The following CCSER1 variants were observed in gnomAD, a reference collection of about 807,000 sequenced individuals.
The protein encoded by CCSER1 is serine-rich coiled-coil domain-containing protein 1.
CCSER1 carries 41 observed loss-of-function variants against 82.0 expected under a neutral mutation model. The ratio of observed to expected loss-of-function variants is 0.50; its 90% CI spans 0.39 to 0.65. CCSER1 has a LOEUF of 0.65. CCSER1 is among the 30% of genes least tolerant of loss of function. The pLI, the probability that CCSER1 is intolerant of heterozygous loss-of-function variation, is 0.00. For synonymous variants in CCSER1, 414 were observed against 383.9 expected, an observed-to-expected ratio of 1.08 and a Z score of -0.92; for missense variants, 1,119 against 1,064.2, an observed-to-expected ratio of 1.05 and a Z score of -0.72.
At chr4:90,282,674 T>C (rs1216855092) in intron 1 of CCSER1, among the ~76,000 whole-genome samples, 3 of 151,940 alleles carry the variant, frequency 2.0e-5, no homozygotes, top group Non-Finnish European at 4.4e-5. Flanking sequence ...CAGACTTTGG[T>C]TACAAATCAC....
intron 10 of CCSER1, among the ~76,000 whole-genome samples, chr4:91,369,760 C>A (rs989906685): frequency 1.4e-5 from 2 of 140,912 alleles, no homozygotes; most frequent in African/African-American, 5.4e-5. Flanking sequence ...CCTCTGCCTC[C>A]TGTGTTCAAG....
At chr4:90,155,791 C>T (rs1392445525) in intron 1 of CCSER1, among the ~76,000 whole-genome samples, 1 of 151,854 alleles carries the variant, frequency 6.6e-6, no homozygotes, top group Non-Finnish European at 1.5e-5. Context: ...TGCTAGCGGT[C>T]TATCAATTTT....
intron 5 of CCSER1, among the ~76,000 whole-genome samples, chr4:90,519,915 T>C (rs1361425358): frequency 6.6e-6 from 1 of 152,056 alleles, no homozygotes; most frequent in African/African-American, 2.4e-5. Context: ...ACGGTTTTCT[T>C]TGAAGTGAAA....
intron 1 of CCSER1, among the ~76,000 whole-genome samples, chr4:90,166,449 C>G (rs566145350): frequency 6.6e-6 from 1 of 151,808 alleles, no homozygotes; most frequent in Non-Finnish European, 1.5e-5. Context: ...ATACCATATA[C>G]TTGACATAAT....
At chr4:91,464,897 A>G (rs1756774519) in intron 10 of CCSER1, among the ~76,000 whole-genome samples, 1 of 152,154 alleles carries the variant, frequency 6.6e-6, no homozygotes, top group Non-Finnish European at 1.5e-5. Flanking sequence ...CTCCCACACA[A>G]CAGTAATGGG....
At chr4:90,947,225 T>C (rs7678624) in intron 9 of CCSER1, among the ~76,000 whole-genome samples, 54,794 of 152,046 alleles carry the variant, frequency 0.36, 10,800 homozygotes, top group East Asian at 0.52. Context: ...ACAGCACTAA[T>C]GCCTACTATT....
intron 1 of CCSER1, among the ~76,000 whole-genome samples, chr4:90,278,732 C>T (rs1435221725): frequency 6.6e-6 from 1 of 152,014 alleles, no homozygotes; most frequent in Non-Finnish European, 1.5e-5. Context: ...GTACTATGCT[C>T]ACTACCTGGG....
intron 6 of CCSER1, among the ~76,000 whole-genome samples, chr4:90,715,213 C>T (rs896210563): frequency 1.3e-5 from 2 of 151,972 alleles, no homozygotes; most frequent in African/African-American, 4.8e-5. Context: ...ATATGTTGGC[C>T]AGTATCTGAC....
At chr4:91,595,756 T>C (rs1182369563) in intron 10 of CCSER1, among the ~76,000 whole-genome samples, 1 of 151,942 alleles carries the variant, frequency 6.6e-6, no homozygotes, top group African/African-American at 2.4e-5. Flanking sequence ...ATTTGGGTCT[T>C]ATATGAACAG....
chr4:90,933,493 T>TG (rs1023137024), intron 9 of CCSER1, among the ~76,000 whole-genome samples: 3 of 137,530 alleles, frequency 2.2e-5, no homozygotes, highest in Non-Finnish European at 3.1e-5. Flanking sequence ...GGATGAAGTG[T>TG]TTTTTTTTTT....
intron 6 of CCSER1, among the ~76,000 whole-genome samples, chr4:90,643,031 A>C (rs1166831448): frequency 6.6e-6 from 1 of 152,096 alleles, no homozygotes; most frequent in East Asian, 1.9e-4. Flanking sequence ...TCTTTGATTA[A>C]ATGGACTTTT....
chr4:90,821,669 A>G (rs1759737583), intron 8 of CCSER1, among the ~76,000 whole-genome samples: 1 of 152,202 alleles, frequency 6.6e-6, no homozygotes, highest in Non-Finnish European at 1.5e-5. Context: ...ATAATTAATT[A>G]TAATAAAAGG....
intron 10 of CCSER1, among the ~76,000 whole-genome samples, chr4:91,558,823 T>C (rs1297170890): frequency 6.6e-6 from 1 of 151,606 alleles, no homozygotes; most frequent in Non-Finnish European, 1.5e-5. Context: ...ACATGAGAAT[T>C]CTGGGAGATA....
chr4:90,904,171 G>T (rs984240616), intron 8 of CCSER1, among the ~76,000 whole-genome samples: 2 of 151,998 alleles, frequency 1.3e-5, no homozygotes, highest in South Asian at 4.1e-4. Flanking sequence ...AGGACAATTT[G>T]ATTTATCTTA....
intron 5 of CCSER1, among the ~76,000 whole-genome samples, chr4:90,511,428 GA>G (rs1452482790): frequency 6.6e-6 from 1 of 152,068 alleles, no homozygotes; most frequent in African/African-American, 2.4e-5. Context: ...AAAAAAGAAA[GA>G]AGATAAAAAT....
intron 10 of CCSER1, among the ~76,000 whole-genome samples, chr4:91,308,821 C>T (rs1442463297): frequency 6.6e-6 from 1 of 151,636 alleles, no homozygotes; most frequent in East Asian, 1.9e-4. Flanking sequence ...TTTGGGAGCC[C>T]TAGATTTTTT....
intron 3 of CCSER1, among the ~76,000 whole-genome samples, chr4:90,385,460 GTTT>G (rs199523272): frequency 1.5e-5 from 2 of 134,958 alleles, no homozygotes. Context: ...TCTCGGTGTA[GTTT>G]TTTTTTTTTT....
intron 8 of CCSER1, among the ~76,000 whole-genome samples, chr4:90,833,054 C>T (rs527973369): frequency 2.0e-5 from 3 of 152,158 alleles, no homozygotes; most frequent in Admixed American, 6.5e-5. Context: ...ATTTTCTGTG[C>T]GGCCATAACG....
At chr4:91,579,200 A>G (rs1285639462) in intron 10 of CCSER1, among the ~76,000 whole-genome samples, 1 of 151,536 alleles carries the variant, frequency 6.6e-6, no homozygotes, top group African/African-American at 2.4e-5. Context: ...GTTTTGGAAT[A>G]CATATTTTTG....
Sources: gnomAD v4.1 joint callset for allele counts (sites outside exome capture counted in the v4.1 genomes callset) on GRCh38, gnomAD v4.1.1 for gene constraint, MANE v1.5 for transcripts, NCBI Gene and HGNC (gene_info 2026-07-23, HGNC 2026-07-21) for gene names.